KCNJ6: variants seen among roughly 807,000 people sequenced by gnomAD.
KCNJ6 encodes potassium inwardly rectifying channel subfamily J member 6, also known as G protein-activated inward rectifier potassium channel 2.
A neutral mutation model predicts 34.2 loss-of-function variants in KCNJ6; 9 were observed. The observed-to-expected ratio is 0.26, with a 90% CI of 0.16 to 0.46. The LOEUF (loss-of-function observed/expected upper bound fraction) is 0.46. Ranked by LOEUF, KCNJ6 falls within the 20% of genes least tolerant of loss-of-function variation. The pLI is 1.00. For synonymous variants in KCNJ6, 196 were observed against 207.1 expected (o/e 0.95, Z 0.46); for missense variants, 236 against 531.3 (o/e 0.44, Z 5.46).
chr21:37,882,734 G>A (rs933229767), intron 1 of KCNJ6, among the ~76,000 whole-genome samples: 3 of 152,214 alleles, frequency 2.0e-5, no homozygotes, highest in Non-Finnish European at 2.9e-5. Flanking sequence ...GCCATGCCCA[G>A]CATCCTATTG....
intron 2 of KCNJ6, among the ~76,000 whole-genome samples, chr21:37,836,802 T>C (rs1206480013): frequency 1.3e-5 from 2 of 152,104 alleles, no homozygotes; most frequent in Non-Finnish European, 2.9e-5. Context: ...GATGGGTTGA[T>C]GGGTGCAGCA....
At position 37,616,990 on chromosome 21, in the gene KCNJ6, T is replaced by C. The variant is rs945032253; in HGVS notation, c.*8169A>G. On this transcript the variant is annotated 3_prime_UTR_variant, in exon 4 of 4. Coordinates refer to ENST00000609713, the MANE Select transcript of KCNJ6 (RefSeq NM_002240.5). The stretch of plus-strand genomic sequence containing the variant: ...GGGGATGTGCGATTTCTTTTCTCTT[T>C]CTTTCTTTCTCTTTCTTTTCTCTTT... 2 of 128,632 alleles carry C rather than the reference T, an allele frequency of 1.6e-5. No individual in the cohort carries two copies. The highest frequency in any genetic ancestry group is 5.4e-4 in the South Asian group (2 of 3,696). 8.0% of individuals were successfully genotyped at this position (128,632 alleles called of 1,614,324 possible).
intron 2 of KCNJ6, among the ~76,000 whole-genome samples, chr21:37,787,668 G>GA (rs1164476257): frequency 2.0e-5 from 3 of 152,096 alleles, no homozygotes; most frequent in East Asian, 1.9e-4. Context: ...GTCATGCTGG[G>GA]AAAAAACAGA....
intron 2 of KCNJ6, among the ~76,000 whole-genome samples, chr21:37,828,318 G>A (rs2055408570): frequency 6.6e-6 from 1 of 152,126 alleles, no homozygotes; most frequent in Non-Finnish European, 1.5e-5. Flanking sequence ...GGAAGCCATC[G>A]AGGAGGTGGC....
Position 37,799,054 on chromosome 21 carries a change from T to C in KCNJ6, c.25+41604A>G, listed in dbSNP as rs115923737. On this transcript the variant is annotated intron_variant, in intron 2 of 3. Transcript: ENST00000609713. ...CATAGTACCTATTGGTTATTTTTCC[T>C]GATCCTCTCCCTCCTCCCATGCTCC... 6.2e-3 allele frequency among the ~76,000 whole-genome samples: 949 copies of C among 152,276 alleles called. 11 individuals carry two copies. The highest frequency in any genetic ancestry group is 0.021 in the African/African-American group (893 of 41,538).
chr21:37,733,309 T>C (rs769901087), intron 2 of KCNJ6, among the ~76,000 whole-genome samples: 24 of 151,174 alleles, frequency 1.6e-4, no homozygotes, highest in Non-Finnish European at 7.4e-5. Flanking sequence ...TGTGTTGTTC[T>C]GGAGAAATCT....
intron 2 of KCNJ6, among the ~76,000 whole-genome samples, chr21:37,825,232 A>T (rs114119155): frequency 0.011 from 1,745 of 152,272 alleles, 34 homozygotes; most frequent in African/African-American, 0.04. Context: ...TTTTAAATCT[A>T]CTACAGTAGT....
intron 2 of KCNJ6, chr21:37,719,233 G>C (rs952742324): frequency 6.5e-6 from 1 of 154,170 alleles, no homozygotes; most frequent in African/African-American, 2.4e-5. Flanking sequence ...GTCCAGGTCT[G>C]AGCAGGGAGC....
chr21:37,846,867 C>T (rs2055511308), intron 1 of KCNJ6, among the ~76,000 whole-genome samples: 1 of 152,110 alleles, frequency 6.6e-6, no homozygotes, highest in Non-Finnish European at 1.5e-5. Flanking sequence ...ATGCACCAGC[C>T]CTGGCCCCTC....
At chr21:37,879,839 T>C (rs1025245580) in intron 1 of KCNJ6, among the ~76,000 whole-genome samples, 9 of 151,734 alleles carry the variant, frequency 5.9e-5, no homozygotes, top group African/African-American at 2.2e-4. Context: ...AAAAATATTT[T>C]CCAAAAAGAA....
chr21:37,700,449 G>A (rs2054685028), intron 3 of KCNJ6, among the ~76,000 whole-genome samples: 1 of 152,230 alleles, frequency 6.6e-6, no homozygotes, highest in African/African-American at 2.4e-5. Flanking sequence ...ACAGGCAAAG[G>A]TGGTTGGTCT....
chr21:37,766,598 G>A (rs1455939649), intron 2 of KCNJ6, among the ~76,000 whole-genome samples: 1 of 152,188 alleles, frequency 6.6e-6, no homozygotes, highest in African/African-American at 2.4e-5. Flanking sequence ...GGGACCCCGG[G>A]CAGTGGAAGC....
At chr21:37,908,613 T>G (rs1265371754) in intron 1 of KCNJ6, among the ~76,000 whole-genome samples, 2 of 152,226 alleles carry the variant, frequency 1.3e-5, no homozygotes, top group African/African-American at 4.8e-5. Flanking sequence ...CTTTTCTCCT[T>G]TGTGTCTACT....
intron 2 of KCNJ6, among the ~76,000 whole-genome samples, chr21:37,839,436 G>A (rs770961440): frequency 7.2e-5 from 11 of 152,114 alleles, no homozygotes; most frequent in African/African-American, 1.7e-4. Context: ...ACTTTTTAAC[G>A]TTATATTTTC....
In KCNJ6 at chr21:37,675,502, C is replaced by T. The variant is rs975082128; in HGVS notation, c.946+38709G>A. Among the ~76,000 whole-genome samples the T allele has an allele frequency of 4.6e-5, 7 of 152,246 alleles. No individual in the cohort carries two copies. Among genetic ancestry groups the T allele is most frequent in the Non-Finnish European group, 1.0e-4 (7 of 68,034 alleles). On this transcript the variant is annotated intron_variant, in intron 3 of 3. Coordinates refer to ENST00000609713, the MANE Select transcript of KCNJ6 (RefSeq NM_002240.5). The surrounding 1 kb of genome is among the most constrained non-coding windows in gnomAD (Gnocchi z 4.2). Reference sequence around the variant, plus strand: ...GCACCACTGTCATCGCGGGGACCCTCGGGCTGCGCCTCTGCCCCTCGGTCC... The same window carrying T: ...GCACCACTGTCATCGCGGGGACCCTTGGGCTGCGCCTCTGCCCCTCGGTCC...
At chr21:37,668,496 C>G (rs546737855) in intron 3 of KCNJ6, among the ~76,000 whole-genome samples, 2 of 152,242 alleles carry the variant, frequency 1.3e-5, no homozygotes, top group Non-Finnish European at 2.9e-5. Context: ...GAGGGCCCAC[C>G]CTAATGGCCT....
intron 1 of KCNJ6, among the ~76,000 whole-genome samples, chr21:37,909,192 A>T (rs930138830): frequency 2.0e-5 from 3 of 152,202 alleles, no homozygotes; most frequent in Admixed American, 1.3e-4. Flanking sequence ...ATGTGAAAGA[A>T]ATCTTCTATT....
intron 3 of KCNJ6, among the ~76,000 whole-genome samples, chr21:37,688,427 A>G (rs894842787): frequency 2.0e-5 from 3 of 151,352 alleles, no homozygotes; most frequent in African/African-American, 2.4e-5. Flanking sequence ...TTTTTTTATC[A>G]TCTAATTTAA....
intron 1 of KCNJ6, among the ~76,000 whole-genome samples, chr21:37,911,995 G>A (rs2836048): frequency 0.41 from 61,791 of 151,958 alleles, 16,038 homozygotes; most frequent in African/African-American, 0.72. Flanking sequence ...ATGAGACTGA[G>A]TTAAAAGCCC....
Sources: allele counts gnomAD v4.1 joint callset (sites outside exome capture counted in the v4.1 genomes callset), GRCh38; gene constraint gnomAD v4.1.1; non-coding constraint Gnocchi (gnomAD v3.1); transcripts MANE v1.5; gene names NCBI Gene and HGNC (gene_info 2026-07-23, HGNC 2026-07-21).